RP1: variants seen among roughly 807,000 people sequenced by gnomAD.
RP1 encodes RP1 axonemal microtubule associated.
In RP1, 16 loss-of-function variants were observed where a neutral mutation model predicts 14.8. The observed-to-expected ratio is 1.08, with a 90% confidence interval of 0.73 to 1.65. The LOEUF is 1.65. Ranked by LOEUF, RP1 falls within the 40% of genes most tolerant of loss-of-function variation. The probability of loss-of-function intolerance (pLI) is 0.00; values close to 1 mark genes in which losing one functional copy is unlikely to be tolerated. For synonymous variants in RP1, 876 were observed against 883.6 expected (o/e 0.99, Z 0.15); for missense variants, 2,631 against 2,535.0 (o/e 1.04, Z -0.81).
At position 54,630,044 on chromosome 8, in the gene RP1, C is replaced by T; in HGVS notation, c.6162C>T (p.Leu2054=). The T allele has an allele frequency of 6.2e-7, 1 of 1,614,002 alleles. No individual in the cohort carries two copies. ...VGNVDSNTQD[L]SGQTNEIFKA... is the part of the protein sequence containing the mutation. ...ATGTGGATTCAAATACACAAGACCTCAGCGGTCAGACAAATGAAATCTTTA... is the reference window on the plus strand; with the variant it reads ...ATGTGGATTCAAATACACAAGACCTTAGCGGTCAGACAAATGAAATCTTTA... The change falls in exon 4 of 4, where the codon CTC becomes CTT. Residue 2054 remains leucine (L), a synonymous_variant. Transcript: ENST00000220676.
chr8:54,652,196 C>T (rs1296755120), intron 4 of RP1, among the ~76,000 whole-genome samples: 1 of 152,026 alleles, frequency 6.6e-6, no homozygotes, highest in Non-Finnish European at 1.5e-5. Flanking sequence ...TTTGTAGAGA[C>T]AGGGTTTCAC....
chr8:54,594,825 T>G (rs972222691), intron 1 of RP1, among the ~76,000 whole-genome samples: 1 of 152,172 alleles, frequency 6.6e-6, no homozygotes, highest in Non-Finnish European at 1.5e-5. Context: ...GAAATTTCCA[T>G]TTTTAGAATG....
chr8:54,656,203 C>T, exon 6 of RP1: 1 of 1,535,030 alleles, frequency 6.5e-7, no homozygotes, highest in Non-Finnish European at 8.7e-7. Context: ...TAAAGGACAA[C>T]CTGTCCTTCC....
intron 24 of RP1, among the ~76,000 whole-genome samples, chr8:54,795,976 C>A (rs1810566971): frequency 6.6e-6 from 1 of 152,142 alleles, no homozygotes; most frequent in Non-Finnish European, 1.5e-5. Flanking sequence ...CTTAATCTTG[C>A]AATTTGGAAT....
chr8:54,784,127 T>A (rs114315910), intron 24 of RP1, among the ~76,000 whole-genome samples: 3,728 of 152,218 alleles, frequency 0.024, 161 homozygotes, highest in African/African-American at 0.084. Context: ...GCAGGCCTAA[T>A]GACTAAGACA....
upstream of RP1, among the ~76,000 whole-genome samples, chr8:54,611,930 C>T (rs1805608051): frequency 6.6e-6 from 1 of 150,624 alleles, no homozygotes; most frequent in African/African-American, 2.5e-5. Context: ...CCCCTGCCCC[C>T]CAACCTTTCT....
chr8:54,628,888 A>G lies in RP1; in HGVS notation c.5006A>G (p.Lys1669Arg). The G allele has an allele frequency of 1.2e-6, 2 of 1,614,112 alleles. No individual in the cohort carries two copies. The highest frequency in any genetic ancestry group is 1.1e-5 in the South Asian group (1 of 91,078). Reference protein sequence around the residue: ...YNSVEFQCSRKASLYDSEGQS... With the variant: ...YNSVEFQCSRRASLYDSEGQS... ...TCTGTGGAATTTCAGTGTTCCAGGAAAGCAAGTCTTTATGATTCTGAAGGG... is the reference window on the plus strand; with the variant it reads ...TCTGTGGAATTTCAGTGTTCCAGGAGAGCAAGTCTTTATGATTCTGAAGGG... Residue 1669 changes from lysine (K) to arginine (R), a missense_variant, in exon 4 of 4, where the codon AAA becomes AGA. Coordinates refer to ENST00000220676, the MANE Select transcript of RP1 (RefSeq NM_006269.2).
At chr8:54,613,471 G>T (rs1805644023), upstream of RP1, among the ~76,000 whole-genome samples, 1 of 152,170 alleles carries the variant, frequency 6.6e-6, no homozygotes, top group African/African-American at 2.4e-5. Context: ...TTTATTAAGT[G>T]CCTGATATAT....
At chr8:54,859,576 AGTGTCACTGTAGGGTG>A (rs1165008123) in intron 27 of RP1, among the ~76,000 whole-genome samples, 11 of 141,904 alleles carry the variant, frequency 7.8e-5, no homozygotes, top group Admixed American at 4.2e-4. Flanking sequence ...ACTGTAGGGT[AGTGTCACTGTAGGGTG>A]GTGTCACTGT....
At chr8:54,618,579 G>A (rs948820584) in intron 1 of RP1, among the ~76,000 whole-genome samples, 1 of 152,064 alleles carries the variant, frequency 6.6e-6, no homozygotes, top group African/African-American at 2.4e-5. Flanking sequence ...ATTCATGTAC[G>A]ATATTTTCAA....
intron 12 of RP1, among the ~76,000 whole-genome samples, chr8:54,694,770 C>G (rs375004494): frequency 7.9e-5 from 12 of 151,932 alleles, no homozygotes; most frequent in East Asian, 1.9e-4. Flanking sequence ...CAAAAAACCA[C>G]CTCCTGGATT....
intron 19 of RP1, among the ~76,000 whole-genome samples, chr8:54,739,756 A>G (rs992894815): frequency 2.0e-5 from 3 of 152,218 alleles, no homozygotes; most frequent in East Asian, 3.9e-4. Context: ...GTAAATATCA[A>G]TGTAAAATAT....
At chr8:54,678,617 T>G (rs1199476009) in intron 9 of RP1, 1 of 1,171,144 alleles carries the variant, frequency 8.5e-7, no homozygotes, top group Non-Finnish European at 1.2e-6. Context: ...GGTAACTTAT[T>G]TAGTTGTTCC....
chr8:54,559,723 G>A (rs1300851946), intron 1 of RP1, among the ~76,000 whole-genome samples: 4 of 152,180 alleles, frequency 2.6e-5, no homozygotes, highest in Admixed American at 6.5e-5. Context: ...AGCATGATCC[G>A]TCTTAGGTTT....
intron 1 of RP1, among the ~76,000 whole-genome samples, chr8:54,617,541 G>A (rs1341474287): frequency 6.6e-6 from 1 of 152,174 alleles, no homozygotes; most frequent in African/African-American, 2.4e-5. Flanking sequence ...TGCTAGTCTT[G>A]CTCAGGTGCA....
chr8:54,663,204 C>A (rs1806939121), intron 6 of RP1, among the ~76,000 whole-genome samples: 1 of 152,050 alleles, frequency 6.6e-6, no homozygotes, highest in African/African-American at 2.4e-5. Flanking sequence ...CTTATTGTAT[C>A]GACTGTCACA....
At chr8:54,812,750 G>C (rs1374664933) in intron 24 of RP1, among the ~76,000 whole-genome samples, 6 of 146,836 alleles carry the variant, frequency 4.1e-5, no homozygotes, top group Non-Finnish European at 6.0e-5. Context: ...ATGTATCCAT[G>C]TATCTATCTA....
At chr8:54,768,988 C>T (rs1358466124) in intron 22 of RP1, among the ~76,000 whole-genome samples, 3 of 151,842 alleles carry the variant, frequency 2.0e-5, no homozygotes, top group Non-Finnish European at 4.4e-5. Flanking sequence ...GCTCTGCCTC[C>T]CAGGTTCACG....
chr8:54,820,200 C>A (rs1811222939), intron 24 of RP1, among the ~76,000 whole-genome samples: 1 of 152,054 alleles, frequency 6.6e-6, no homozygotes, highest in Admixed American at 6.5e-5. Flanking sequence ...TCTTCCCTCT[C>A]CTTTCCCCAA....
Sources: allele counts gnomAD v4.1 joint callset (sites outside exome capture counted in the v4.1 genomes callset), GRCh38; gene constraint gnomAD v4.1.1; transcripts MANE v1.5; gene names NCBI Gene and HGNC (gene_info 2026-07-23, HGNC 2026-07-21).